The following AHDC1 variants were observed in gnomAD, a reference collection of about 807,000 sequenced individuals.
AHDC1 encodes the protein transcription factor Gibbin.
A neutral mutation model predicts 87.9 loss-of-function variants in AHDC1; 7 were observed. The observed-to-expected ratio is 0.08, with a 90% CI of 0.05 to 0.15. The LOEUF is 0.15. AHDC1 is among the 10% of genes least tolerant of loss of function. The pLI is 1.00. For missense variants in AHDC1, 1,841 were observed against 2,253.2 expected (o/e 0.82, Z 3.70); for synonymous variants, 1,051 against 1,006.8 (o/e 1.04, Z -0.83).
In AHDC1 at chr1:27,549,508, T is replaced by A. The variant is rs960758930; in HGVS notation, c.2608A>T (p.Thr870Ser). 3.1e-6 allele frequency: 5 copies of A among 1,613,068 alleles called. No homozygotes were observed. The African/African-American group carries it at 5.3e-5, about 17-fold the overall frequency. The stretch of plus-strand genomic sequence containing the variant: ...GCACTGGTGGGTGGCCCTGCATAGG[T>A]GCCCGATGCCTTCCGGGACTCTGGG... Reference protein sequence around the residue: ...SRPESRKASGTYAGPPTSALP... With the variant: ...SRPESRKASGSYAGPPTSALP... The change falls in exon 8 of 9, where the codon ACC becomes TCC. Residue 870 changes from threonine (T) to serine (S), a missense_variant. Physicochemically the swap from Thr to Ser is moderately conservative, Grantham distance 58. Around this residue, in one of 13 missense-constraint regions of AHDC1, gnomAD observed 378 missense variants for 399.0 expected, o/e 0.95. Transcript: ENST00000673934.
chr1:27,535,029 G>C (rs996149217), intron 8 of AHDC1, 113 bp from the exon 9 acceptor site: 1 of 152,210 alleles, frequency 6.6e-6, no homozygotes, highest in African/African-American at 2.4e-5. Context: ...GGATTCAGCA[G>C]GGTGAGGGGG....
At chr1:27,541,110 G>T (rs912343733) in intron 8 of AHDC1, among the ~76,000 whole-genome samples, 3 of 151,864 alleles carry the variant, frequency 2.0e-5, no homozygotes, top group Admixed American at 1.3e-4. Context: ...CTTGGAGCAG[G>T]GAGGGAGTGG....
chr1:27,545,812 A>T (rs80143757), intron 8 of AHDC1, among the ~76,000 whole-genome samples: 1 of 152,122 alleles, frequency 6.6e-6, no homozygotes, highest in East Asian at 1.9e-4. Flanking sequence ...AGGGATTATC[A>T]AAGTAAATTT....
chr1:27,595,726 A>G lies in AHDC1; in HGVS notation c.-629+7671T>C, dbSNP rs2089352072. 6.6e-6 allele frequency among the ~76,000 whole-genome samples: 1 copy of G among 151,902 alleles called. No homozygotes were observed. The highest frequency in any genetic ancestry group is 2.4e-5 in the African/African-American group (1 of 41,288). ...GTGGGAAGGGAAGAATGGGTCTCTG[A>G]TATCAGAGATGTGCCACAGGCTATC... On this transcript the variant is annotated intron_variant, in intron 3 of 8. Transcript: ENST00000673934. This position sits in a 1 kb window ranked among gnomAD's most constrained non-coding sequence, Gnocchi z 4.0.
intron 8 of AHDC1, among the ~76,000 whole-genome samples, chr1:27,540,329 C>T (rs538008227): frequency 3.3e-5 from 5 of 151,988 alleles, no homozygotes; most frequent in African/African-American, 4.8e-5. Context: ...TGTCCCATCC[C>T]GTTCCCCAGG....
At chr1:27,589,823 G>T (rs1444946966) in intron 3 of AHDC1, among the ~76,000 whole-genome samples, 1 of 152,178 alleles carries the variant, frequency 6.6e-6, no homozygotes, top group Non-Finnish European at 1.5e-5. Context: ...CCTGTCCAAG[G>T]AGAGAACCAA....
rs1027771120 is a variant in AHDC1 at position 27,590,500 on chromosome 1, C to T, written c.-629+12897G>A. 2.0e-5 allele frequency among the ~76,000 whole-genome samples: 3 copies of T among 152,128 alleles called. No homozygotes were observed. Among genetic ancestry groups the T allele is most frequent in the Admixed American group, 1.3e-4 (2 of 15,286 alleles). ...CCAGCACCACCCACCCCCACCACCC[C>T]TCAGCACACACCCAGCCTGGGTTCT... On this transcript the variant is annotated intron_variant, in intron 3 of 8. Transcript: ENST00000673934. The surrounding 1 kb of genome is among the most constrained non-coding windows in gnomAD (Gnocchi z 5.4).
In AHDC1 at chr1:27,593,559, G is replaced by C. The variant is rs1202542679; in HGVS notation, c.-629+9838C>G. Among the ~76,000 whole-genome samples the C allele has an allele frequency of 6.6e-6, 1 of 152,222 alleles. No homozygotes were observed. The highest frequency in any genetic ancestry group is 1.5e-5 in the Non-Finnish European group (1 of 68,030). ...CCCTTGGTGCTGCCCCAGTCCCACA[G>C]CCACGGCTCCAGCTGGGGTCAGGCA... is the stretch of plus-strand genomic sequence containing the variant. On this transcript the variant is annotated intron_variant, in intron 3 of 8. Coordinates refer to ENST00000673934, the MANE Select transcript of AHDC1 (RefSeq NM_001371928.1). This position sits in a 1 kb window ranked among gnomAD's most constrained non-coding sequence, Gnocchi z 4.9.
intron 8 of AHDC1, among the ~76,000 whole-genome samples, chr1:27,537,766 C>G (rs745586580): frequency 1.3e-5 from 2 of 152,168 alleles, no homozygotes; most frequent in Non-Finnish European, 1.5e-5. Context: ...GAGCCACATT[C>G]CTCTGAGTCC....
intron 3 of AHDC1, among the ~76,000 whole-genome samples, chr1:27,585,309 C>T (rs1448346433): frequency 6.6e-6 from 1 of 150,832 alleles, no homozygotes; most frequent in Non-Finnish European, 1.5e-5. Context: ...GACTCTGGAT[C>T]CTAGCCTTCC....
rs760092497 is a variant in AHDC1 at position 27,549,406 on chromosome 1, C to T, written c.2710G>A (p.Gly904Arg). Residue 904 changes from glycine to arginine, a missense_variant, in exon 8 of 9, where the codon GGG becomes AGG. Around this residue, in one of 13 missense-constraint regions of AHDC1, gnomAD observed 378 missense variants for 399.0 expected, o/e 0.95. Coordinates refer to ENST00000673934, the MANE Select transcript of AHDC1 (RefSeq NM_001371928.1). ...TGAAAGGAGGGGTCCGCCCCAGCCC[C>T]GCTGCTACCCACTGCCACTGGGCTG... Reference protein sequence around the residue: ...KASPVAVGSSGAGADPSFQPV... With the variant: ...KASPVAVGSSRAGADPSFQPV... 19 of 1,612,746 alleles carry T rather than the reference C, an allele frequency of 1.2e-5. No individual in the cohort carries two copies. In the African/African-American group the frequency reaches 1.3e-4, roughly 11 times the overall value.
Position 27,550,607 on chromosome 1 carries a change from G to A in AHDC1, c.1509C>T (p.Ser503=), listed in dbSNP as rs921138978. 9.3e-6 allele frequency: 15 copies of A among 1,613,626 alleles called. No homozygotes were observed. In the African/African-American group the frequency reaches 1.1e-4, roughly 11 times the overall value. The change falls in exon 8 of 9, where the codon AGC becomes AGT. Residue 503 remains serine (S), a synonymous_variant. Transcript: ENST00000673934. ...GCAGGCCCAGCTCCTTGCCCTCCACGCTCAGGCTGCTGCTCAAGGAAGACA... is the reference window on the plus strand; with the variant it reads ...GCAGGCCCAGCTCCTTGCCCTCCACACTCAGGCTGCTGCTCAAGGAAGACA... ...YKVSSLSSSL[S]VEGKELGLRV...
intron 3 of AHDC1, among the ~76,000 whole-genome samples, chr1:27,577,947 C>G (rs1023598490): frequency 6.6e-6 from 1 of 152,204 alleles, no homozygotes; most frequent in Non-Finnish European, 1.5e-5. Context: ...GACTCCCCAG[C>G]CCACAGCCCA....
intron 3 of AHDC1, among the ~76,000 whole-genome samples, chr1:27,587,459 T>G (rs1488129490): frequency 2.6e-5 from 4 of 152,176 alleles, no homozygotes; most frequent in Non-Finnish European, 5.9e-5. Flanking sequence ...TCACCTAGCT[T>G]GCTTGGAAGC....
At chr1:27,574,379 C>T (rs1395797283) in intron 3 of AHDC1, among the ~76,000 whole-genome samples, 3 of 149,862 alleles carry the variant, frequency 2.0e-5, no homozygotes, top group African/African-American at 7.6e-5. Flanking sequence ...CCCTTCATTT[C>T]CCACCCTTAC....
At position 27,548,484 on chromosome 1, in the gene AHDC1, G is replaced by T. The variant is rs756701170; in HGVS notation, c.3632C>A (p.Ala1211Glu). 1 of 1,613,764 alleles carries T rather than the reference G, an allele frequency of 6.2e-7. No individual in the cohort carries two copies. The highest frequency in any genetic ancestry group is 1.3e-5 in the African/African-American group (1 of 74,938). The change falls in exon 8 of 9, where the codon GCA (alanine) becomes GAA (glutamate). Residue 1211 changes from alanine to glutamate, a missense_variant. Coordinates refer to ENST00000673934, the MANE Select transcript of AHDC1 (RefSeq NM_001371928.1). ...CCAGTTGTAGCCGGGGGCAGATGAT[G>T]CCTCGTTCCAGTCCATCATCAGTTT... ...LEKLMMDWNEASSAPGYNWNQ... is the reference protein window; with the variant it reads ...LEKLMMDWNEESSAPGYNWNQ...
intron 3 of AHDC1, among the ~76,000 whole-genome samples, chr1:27,577,881 C>A (rs188457285): frequency 7.5e-4 from 114 of 152,282 alleles, no homozygotes; most frequent in African/African-American, 2.7e-3. Context: ...GGCCAGAGCC[C>A]CAACAGAGAT....
chr1:27,540,050 C>T (rs533389054), intron 8 of AHDC1, among the ~76,000 whole-genome samples: 12 of 152,114 alleles, frequency 7.9e-5, no homozygotes, highest in African/African-American at 2.7e-4. Context: ...GGGTTTGTGT[C>T]GGACATGCAA....
Position 27,549,068 on chromosome 1 carries a change from G to C in AHDC1, c.3048C>G (p.His1016Gln). 1 of 1,567,180 alleles carries C rather than the reference G, an allele frequency of 6.4e-7. No homozygotes were observed. The highest frequency in any genetic ancestry group is 1.2e-5 in the South Asian group (1 of 84,700). ...NSLPASPSSA[H>Q]SAGYAPPPTG... ...TAGGCGGTGGGGCATAGCCGGCGCTGTGGGCGCTGCTGGGTGAGGCAGGGA... is the reference window on the plus strand; with the variant it reads ...TAGGCGGTGGGGCATAGCCGGCGCTCTGGGCGCTGCTGGGTGAGGCAGGGA... The change falls in exon 8 of 9, where the codon CAC (histidine) becomes CAG (glutamine). Residue 1016 changes from histidine to glutamine, a missense_variant. Around this residue, in one of 13 missense-constraint regions of AHDC1, gnomAD observed 378 missense variants for 399.0 expected, o/e 0.95. Transcript: ENST00000673934.
Sources: allele counts gnomAD v4.1 joint callset (sites outside exome capture counted in the v4.1 genomes callset), GRCh38; gene constraint gnomAD v4.1.1; regional missense constraint gnomAD v4.1.1; non-coding constraint Gnocchi (gnomAD v3.1); transcripts MANE v1.5; gene names NCBI Gene and HGNC (gene_info 2026-07-23, HGNC 2026-07-21).